Variants in CCDC13 observed in about 807,000 individuals in gnomAD.
The protein encoded by CCDC13 is coiled-coil domain-containing protein 13.
A neutral mutation model predicts 87.3 loss-of-function variants in CCDC13; 70 were observed. The observed-to-expected ratio is 0.80, with a 90% CI of 0.66 to 0.98. The LOEUF (loss-of-function observed/expected upper bound fraction) is 0.98, where lower values mean the gene tolerates loss of function less well. Ranked by LOEUF, CCDC13 falls within the 50% of genes least tolerant of loss-of-function variation. CCDC13 has a pLI of 0.00. For missense variants in CCDC13, 842 were observed against 892.0 expected (o/e 0.94, Z 0.71); for synonymous variants, 317 against 360.3 (o/e 0.88, Z 1.36).
At chr3:42,709,906 G>C in intron 14 of CCDC13, 108 bp from the exon 15 acceptor site, 2 of 840,840 alleles carry the variant, frequency 2.4e-6, no homozygotes, top group South Asian at 2.9e-5. Context: ...ATGGTGAAAC[G>C]CTACACCGCC....
intron 13 of CCDC13, among the ~76,000 whole-genome samples, chr3:42,723,447 C>A (rs917778954): frequency 6.6e-6 from 1 of 152,172 alleles, no homozygotes; most frequent in African/African-American, 2.4e-5. Flanking sequence ...CAATAATATC[C>A]TACCATATTC....
Position 42,735,838 on chromosome 3 carries a change from G to A in CCDC13, c.1240C>T (p.His414Tyr). The A allele has an allele frequency of 1.2e-6, 2 of 1,614,266 alleles. No individual in the cohort carries two copies. Among genetic ancestry groups the A allele is most frequent in the Non-Finnish European group, 1.7e-6 (2 of 1,180,048 alleles). Reference sequence around the variant, plus strand: ...TCGCTGTTCAGTTGCTGGTCCAGGTGGTGCTGGGACACTCGCGTTTTCTCC... The same window carrying A: ...TCGCTGTTCAGTTGCTGGTCCAGGTAGTGCTGGGACACTCGCGTTTTCTCC... ...QEEKTRVSQH[H>Y]LDQQLNSEAQ... Residue 414 changes from histidine to tyrosine, a missense_variant, in exon 10 of 16, where the codon CAC (histidine) becomes TAC (tyrosine). Transcript: ENST00000310232.
intron 13 of CCDC13, among the ~76,000 whole-genome samples, chr3:42,722,654 C>T (rs2125875601): frequency 6.6e-6 from 1 of 152,262 alleles, no homozygotes; most frequent in African/African-American, 2.4e-5. Flanking sequence ...GGAAGTTACC[C>T]TATATGGCCT....
rs201451798 is a variant in CCDC13, at chr3:42,733,498, C to T, written c.1483G>A (p.Asp495Asn). 10 of 1,614,148 alleles carry T rather than the reference C, an allele frequency of 6.2e-6. No individual in the cohort carries two copies. In the East Asian group the frequency reaches 6.7e-5, roughly 11 times the overall value. ...GAAGATCCAAGCCTGCCAACATGATCGCCTGCTGAGGCCGGGGACTTGGTC... is the reference window on the plus strand; with the variant it reads ...GAAGATCCAAGCCTGCCAACATGATTGCCTGCTGAGGCCGGGGACTTGGTC... The part of the protein sequence containing the change: ...GLTKSPASAG[D>N]HVGRLGSSRS... The change falls in exon 11 of 16, where the codon GAT becomes AAT. Residue 495 changes from aspartate to asparagine, a missense_variant. Physicochemically the swap from Asp to Asn is conservative, Grantham distance 23. Transcript: ENST00000310232.
chr3:42,704,365 T>A (rs2125863127), downstream of CCDC13: 1 of 152,272 alleles, frequency 6.6e-6, no homozygotes, highest in Admixed American at 6.5e-5. Context: ...AGAACACAGG[T>A]TCAGCCAATT....
Position 42,746,883 on chromosome 3 carries a change from G to C in CCDC13, c.720+374C>G, listed in dbSNP as rs747763798. On this transcript the variant is annotated intron_variant, in intron 6 of 15. Transcript: ENST00000310232. ...AAGGCAGGTGTTGGCAGGCTTTCAA[G>C]TTAAGTAAGGGTGACATTAAGGGGA... 2.5e-4 allele frequency: 86 copies of C among 347,088 alleles called. 1 individual carries two copies. In the Middle Eastern group the frequency reaches 3.6e-3, roughly 15 times the overall value. The allele number at this position is 347,088 out of a possible 1,614,324, so 21.5% of individuals were successfully genotyped here.
At chr3:42,752,533 C>T in intron 4 of CCDC13, 42 bp downstream of exon 4, 1 of 1,612,486 alleles carries the variant, frequency 6.2e-7, no homozygotes, top group Non-Finnish European at 8.5e-7. Flanking sequence ...CTTGCCCATG[C>T]TAGGAGTCCC....
At chr3:42,734,551 C>A (rs976928373) in intron 10 of CCDC13, among the ~76,000 whole-genome samples, 10 of 152,216 alleles carry the variant, frequency 6.6e-5, no homozygotes, top group Non-Finnish European at 1.3e-4. Flanking sequence ...CCCAGGCTAC[C>A]CTGGCCTGTG....
intron 1 of CCDC13, among the ~76,000 whole-genome samples, chr3:42,764,928 T>C (rs1280554843): frequency 6.6e-6 from 1 of 152,232 alleles, no homozygotes; most frequent in African/African-American, 2.4e-5. Context: ...CCTAATACCT[T>C]ATTCATTTGC....
intron 4 of CCDC13, 77 bp from the exon 5 acceptor site, chr3:42,752,102 G>A: frequency 7.9e-7 from 1 of 1,261,250 alleles, no homozygotes; most frequent in Non-Finnish European, 1.1e-6. Flanking sequence ...GTGCCATTGT[G>A]TGTGTGGTTA....
At chr3:42,715,342 G>A (rs554626703) in intron 13 of CCDC13, among the ~76,000 whole-genome samples, 109 of 151,008 alleles carry the variant, frequency 7.2e-4, no homozygotes, top group African/African-American at 2.3e-3. Flanking sequence ...TTCAGGCCAC[G>A]CACGATGGCT....
chr3:42,730,349 TG>T, intron 13 of CCDC13, 117 bp downstream of exon 13: 1 of 1,424,622 alleles, frequency 7.0e-7, no homozygotes, highest in Non-Finnish European at 9.5e-7. Context: ...AGGAATGCCC[TG>T]GACCAACACT....
chr3:42,725,533 C>CAAAAAAAAAAAAAAA (rs56224625), intron 13 of CCDC13, among the ~76,000 whole-genome samples: 7 of 91,480 alleles, frequency 7.7e-5, no homozygotes, highest in South Asian at 4.6e-4. Context: ...GACCCTGTCT[C>CAAAAAAAAAAAAAAA]AAAAAAAAAA....
intron 10 of CCDC13, among the ~76,000 whole-genome samples, chr3:42,733,879 C>A (rs114158052): frequency 0.011 from 1,668 of 152,300 alleles, 34 homozygotes; most frequent in African/African-American, 0.038. Context: ...GGGAGGTGCA[C>A]GGCCCTGCAT....
chr3:42,754,401 A>G (rs1452954498), intron 3 of CCDC13, among the ~76,000 whole-genome samples: 4 of 152,160 alleles, frequency 2.6e-5, no homozygotes, highest in Non-Finnish European at 1.5e-5. Flanking sequence ...CAGCACCAAG[A>G]TGGCACACTT....
chr3:42,772,387 C>A (rs1210945320), intron 1 of CCDC13, among the ~76,000 whole-genome samples: 1 of 151,862 alleles, frequency 6.6e-6, no homozygotes, highest in Non-Finnish European at 1.5e-5. Flanking sequence ...GAGTGGCATG[C>A]ACTCTGGAGT....
chr3:42,771,323 T>C (rs542097237), intron 1 of CCDC13, among the ~76,000 whole-genome samples: 33 of 152,200 alleles, frequency 2.2e-4, no homozygotes, highest in Non-Finnish European at 4.3e-4. Flanking sequence ...TATCAGTGGT[T>C]TCCAGGGGTT....
At chr3:42,743,864 G>A (rs1469635970) in intron 7 of CCDC13, among the ~76,000 whole-genome samples, 1 of 151,860 alleles carries the variant, frequency 6.6e-6, no homozygotes, top group African/African-American at 2.4e-5. Flanking sequence ...TACTGAAGAG[G>A]GGAAGGCAGG....
intron 12 of CCDC13, among the ~76,000 whole-genome samples, chr3:42,731,836 G>A (rs756089300): frequency 1.3e-5 from 2 of 152,328 alleles, no homozygotes; most frequent in African/African-American, 2.4e-5. Context: ...TAAGCTCCAT[G>A]AGGGTAGGGC....
Sources: gnomAD v4.1 joint callset for allele counts (sites outside exome capture counted in the v4.1 genomes callset) on GRCh38, gnomAD v4.1.1 for gene constraint, MANE v1.5 for transcripts, NCBI Gene and HGNC (gene_info 2026-07-23, HGNC 2026-07-21) for gene names.